Variants in PPP4R1 observed in about 807,000 individuals in gnomAD.
PPP4R1 encodes the protein protein phosphatase 4 regulatory subunit 1.
A neutral mutation model predicts 111.2 loss-of-function variants in PPP4R1; 42 were observed. The ratio of observed to expected loss-of-function variants is 0.38; its 90% CI spans 0.29 to 0.49. The LOEUF (loss-of-function observed/expected upper bound fraction) is 0.49. PPP4R1 is among the 20% of genes least tolerant of loss of function. PPP4R1 has a pLI of 0.97. For missense variants in PPP4R1, 1,012 were observed against 1,161.6 expected (o/e 0.87, Z 1.87); for synonymous variants, 409 against 405.5 (o/e 1.01, Z -0.10).
At chr18:9,573,985 G>GT (rs2066900670) in intron 10 of PPP4R1, among the ~76,000 whole-genome samples, 1 of 152,150 alleles carries the variant, frequency 6.6e-6, no homozygotes, top group African/African-American at 2.4e-5. Context: ...CTTCAAAAAT[G>GT]TCGAAAGTAT....
intron 2 of PPP4R1, among the ~76,000 whole-genome samples, chr18:9,600,868 G>C (rs576118283): frequency 2.6e-5 from 4 of 152,128 alleles, no homozygotes; most frequent in Admixed American, 6.5e-5. Flanking sequence ...GTGACAGAGT[G>C]AGAATGTCTC....
intron 14 of PPP4R1, 60 bp from the exon 15 acceptor site, chr18:9,557,442 A>T: frequency 1.4e-6 from 2 of 1,433,102 alleles, no homozygotes; most frequent in Non-Finnish European, 9.4e-7. Flanking sequence ...TTTAACCATT[A>T]GGCAATATAC....
chr18:9,590,984 G>C (rs2067201722), intron 4 of PPP4R1, among the ~76,000 whole-genome samples: 1 of 152,094 alleles, frequency 6.6e-6, no homozygotes, highest in Non-Finnish European at 1.5e-5. Context: ...CTCATATGCA[G>C]AATGAATTCC....
intron 6 of PPP4R1, among the ~76,000 whole-genome samples, chr18:9,587,028 G>A (rs1201096350): frequency 6.6e-6 from 1 of 152,060 alleles, no homozygotes; most frequent in East Asian, 1.9e-4. Context: ...CATATATCCT[G>A]GGAAATGTAC....
At position 9,572,572 on chromosome 18, in the gene PPP4R1, C is replaced by G. The variant is rs530958194; in HGVS notation, c.1047-1889G>C. ...TTTGTAAGATGAATACAGGAAAAAG[C>G]ATCTGTGTGCCTTTAAATACACACA... On this transcript the variant is annotated intron_variant, in intron 10 of 19. Coordinates refer to ENST00000400556, the MANE Select transcript of PPP4R1 (RefSeq NM_001042388.3). Among the ~76,000 whole-genome samples the G allele has an allele frequency of 1.9e-3, 296 of 152,248 alleles. 3 individuals are homozygous for G. The highest frequency in any genetic ancestry group is 6.8e-4 in the Non-Finnish European group (46 of 68,012).
chr18:9,611,914 G>C (rs1418995385), intron 2 of PPP4R1, among the ~76,000 whole-genome samples: 1 of 152,132 alleles, frequency 6.6e-6, no homozygotes, highest in Admixed American at 6.5e-5. Context: ...GGGAGGCTGA[G>C]GCAGGAGAAT....
chr18:9,556,001 A>AAAC (rs2145008655), intron 15 of PPP4R1, among the ~76,000 whole-genome samples: 1 of 80,104 alleles, frequency 1.2e-5, no homozygotes, highest in South Asian at 5.9e-4. Flanking sequence ...AACAAACAAA[A>AAAC]AAACACAAAA....
At chr18:9,577,414 C>T (rs1367027319) in intron 9 of PPP4R1, among the ~76,000 whole-genome samples, 1 of 152,218 alleles carries the variant, frequency 6.6e-6, no homozygotes, top group Non-Finnish European at 1.5e-5. Context: ...CCTGTAATCC[C>T]AGCACTCTGG....
chr18:9,559,476 TC>T lies in PPP4R1; in HGVS notation c.1970del (p.Gly657GlufsTer8). On this transcript the variant is annotated frameshift_variant, in exon 14 of 20. Transcript: ENST00000400556. LOFTEE classifies it high-confidence loss of function. Reference protein sequence around the residue: ...YSLPGVALTLGRQNWHCLRET... With the variant: ...YSLPGVALTLXRQNWHCLRET... ...CTCTCAGGCAGTGCCAATTCTGTCT[TC>T]CGAGTGTCAAGGCCACACCAGGGAG... 1.2e-6 allele frequency: 2 copies of T among 1,613,830 alleles called. No individual in the cohort carries two copies. Among genetic ancestry groups the T allele is most frequent in the Non-Finnish European group, 1.7e-6 (2 of 1,179,830 alleles).
intron 2 of PPP4R1, among the ~76,000 whole-genome samples, chr18:9,595,891 A>G (rs1048970210): frequency 6.6e-6 from 1 of 152,238 alleles, no homozygotes; most frequent in Non-Finnish European, 1.5e-5. Flanking sequence ...AACAGCATCT[A>G]CTACCAAAGG....
At chr18:9,572,386 G>A (rs2066875919) in intron 10 of PPP4R1, among the ~76,000 whole-genome samples, 1 of 152,154 alleles carries the variant, frequency 6.6e-6, no homozygotes, top group Non-Finnish European at 1.5e-5. Flanking sequence ...TGAAAGAACT[G>A]GAGACACAGA....
intron 10 of PPP4R1, 57 bp from the exon 11 acceptor site, chr18:9,570,740 A>C (rs1466927888): frequency 6.8e-7 from 1 of 1,470,894 alleles, no homozygotes; most frequent in African/African-American, 1.4e-5. Context: ...TTACTTTAAA[A>C]AAACTGATGA....
In PPP4R1 at chr18:9,547,541, G is replaced by A. The variant is rs75728131; in HGVS notation, c.*248C>T. The A allele has an allele frequency of 6.3e-5, 23 of 366,304 alleles. No individual in the cohort carries two copies. In the East Asian group the frequency reaches 8.1e-4, roughly 13 times the overall value. 22.7% of individuals were successfully genotyped at this position (366,304 alleles called of 1,614,324 possible). ...GGAAGACAGAAGGATTTAAGGCTTCGGTGACAATTATAATCCTCTGAGAAA... is the reference window on the plus strand; with the variant it reads ...GGAAGACAGAAGGATTTAAGGCTTCAGTGACAATTATAATCCTCTGAGAAA... On this transcript the variant is annotated 3_prime_UTR_variant, in exon 20 of 20. Coordinates refer to ENST00000400556, the MANE Select transcript of PPP4R1 (RefSeq NM_001042388.3).
Position 9,563,690 on chromosome 18 carries a change from T to A in PPP4R1, c.1574-140A>T, listed in dbSNP as rs915028580. On this transcript the variant is annotated intron_variant, in intron 11 of 19. Coordinates refer to ENST00000400556, the MANE Select transcript of PPP4R1 (RefSeq NM_001042388.3). ...GCAATCAAAAAGCTGGAAAAAAATT[T>A]CTACTGTGGTAAATCATTAGTCCTT... 4.2e-6 allele frequency: 3 copies of A among 708,538 alleles called. No individual in the cohort carries two copies. The South Asian group carries it at 8.3e-5, about 20-fold the overall frequency. 43.9% of individuals were successfully genotyped at this position (708,538 alleles called of 1,614,324 possible).
chr18:9,547,592 G>A lies in PPP4R1; in HGVS notation c.*197C>T. The A allele has an allele frequency of 1.8e-6, 1 of 547,352 alleles. No homozygotes were observed. The highest frequency in any genetic ancestry group is 2.9e-5 in the East Asian group (1 of 34,944). 33.9% of individuals were successfully genotyped at this position (547,352 alleles called of 1,614,324 possible). On this transcript the variant is annotated 3_prime_UTR_variant, in exon 20 of 20. Transcript: ENST00000400556. ...TTATTTCCCCTTAAAGTCAAGATAA[G>A]ATAATAGTGTTTACTGTACTTTCTC...
At chr18:9,554,878 T>C (rs1400079901) in intron 15 of PPP4R1, among the ~76,000 whole-genome samples, 4 of 152,188 alleles carry the variant, frequency 2.6e-5, no homozygotes, top group Non-Finnish European at 5.9e-5. Flanking sequence ...TCAAAACAAA[T>C]GACAGAAATG....
At chr18:9,580,450 C>T (rs926737137) in intron 9 of PPP4R1, among the ~76,000 whole-genome samples, 27 of 151,758 alleles carry the variant, frequency 1.8e-4, no homozygotes, top group Non-Finnish European at 2.8e-4. Context: ...CCCAGGTTCA[C>T]GCCATTCTCC....
At position 9,592,191 on chromosome 18, in the gene PPP4R1, G is replaced by A. The variant is rs191061087; in HGVS notation, c.295+1577C>T. 3.3e-3 allele frequency among the ~76,000 whole-genome samples: 508 copies of A among 152,242 alleles called. 4 individuals are homozygous for A. Among genetic ancestry groups the A allele is most frequent in the Admixed American group, 6.5e-3 (100 of 15,296 alleles). ...CTGTTCTAAATCACAAAAAGGTAAA[G>A]TCATCAGCATGGTTTATTATAAACC... On this transcript the variant is annotated intron_variant, in intron 4 of 19. Coordinates refer to ENST00000400556, the MANE Select transcript of PPP4R1 (RefSeq NM_001042388.3).
At chr18:9,608,398 T>A (rs997506959) in intron 2 of PPP4R1, among the ~76,000 whole-genome samples, 1 of 152,224 alleles carries the variant, frequency 6.6e-6, no homozygotes, top group African/African-American at 2.4e-5. Flanking sequence ...GACTGCATGA[T>A]AGATGCTCAA....
Sources: gnomAD v4.1 joint callset for allele counts (sites outside exome capture counted in the v4.1 genomes callset) on GRCh38, gnomAD v4.1.1 for gene constraint, MANE v1.5 for transcripts, NCBI Gene and HGNC (gene_info 2026-07-23, HGNC 2026-07-21) for gene names.